Variants in ATP8A1 observed in about 807,000 individuals in gnomAD.
ATP8A1 encodes the protein phospholipid-transporting ATPase IA.
ATP8A1 carries 90 observed loss-of-function variants against 177.7 expected under a neutral mutation model. The observed-to-expected ratio is 0.51, with a 90% CI of 0.43 to 0.60. ATP8A1 has a LOEUF of 0.60. ATP8A1 is among the 20% of genes least tolerant of loss of function. The pLI is 0.00. For missense variants in ATP8A1, 1,072 were observed against 1,392.8 expected (o/e 0.77, Z 3.67); for synonymous variants, 493 against 485.9 (o/e 1.01, Z -0.19).
chr4:42,461,113 C>T (rs900623064), intron 27 of ATP8A1, among the ~76,000 whole-genome samples: 6 of 152,128 alleles, frequency 3.9e-5, no homozygotes, highest in African/African-American at 7.2e-5. Flanking sequence ...GTAAAATATA[C>T]TCCAGATTTT....
intron 5 of ATP8A1, among the ~76,000 whole-genome samples, chr4:42,607,958 A>G (rs1387169928): frequency 6.6e-6 from 1 of 152,146 alleles, no homozygotes; most frequent in Non-Finnish European, 1.5e-5. Context: ...TTTAAATGCA[A>G]AACTCCTCTA....
intron 5 of ATP8A1, among the ~76,000 whole-genome samples, chr4:42,615,473 T>A (rs1407319186): frequency 6.6e-6 from 1 of 152,010 alleles, no homozygotes; most frequent in East Asian, 1.9e-4. Context: ...TCTTAGAGCA[T>A]GATGGCGAAT....
At chr4:42,477,474 C>T (rs922715944) in intron 25 of ATP8A1, among the ~76,000 whole-genome samples, 1 of 152,014 alleles carries the variant, frequency 6.6e-6, no homozygotes, top group African/African-American at 2.4e-5. Flanking sequence ...CCAAGCAATC[C>T]CATACCCATC....
At chr4:42,619,292 C>T (rs560645211) in intron 4 of ATP8A1, among the ~76,000 whole-genome samples, 18 of 152,190 alleles carry the variant, frequency 1.2e-4, no homozygotes, top group South Asian at 6.2e-4. Flanking sequence ...TGTTTTATAA[C>T]GAATGGAGTC....
chr4:42,485,906 G>A (rs575206815), intron 24 of ATP8A1, among the ~76,000 whole-genome samples: 21 of 152,254 alleles, frequency 1.4e-4, no homozygotes, highest in Non-Finnish European at 2.6e-4. Flanking sequence ...GCAGGGTTGG[G>A]ACTAGACTAT....
chr4:42,592,218 G>A (rs1456894034), intron 6 of ATP8A1, among the ~76,000 whole-genome samples: 3 of 152,092 alleles, frequency 2.0e-5, no homozygotes, highest in Non-Finnish European at 4.4e-5. Context: ...TATAATCTTG[G>A]AGGAAGTTAA....
chr4:42,432,338 A>G (rs530513887), intron 33 of ATP8A1, among the ~76,000 whole-genome samples: 2 of 152,354 alleles, frequency 1.3e-5, no homozygotes, highest in Admixed American at 6.5e-5. Flanking sequence ...AGGTAGAAAT[A>G]TATCAGTAGA....
intron 15 of ATP8A1, among the ~76,000 whole-genome samples, chr4:42,557,938 A>G (rs1294862253): frequency 6.6e-6 from 1 of 152,150 alleles, no homozygotes; most frequent in African/African-American, 2.4e-5. Flanking sequence ...GAGGCATGAG[A>G]ATCGCTTGAA....
At position 42,410,493 on chromosome 4, in the gene ATP8A1, A is replaced by G. The variant is rs148379497; in HGVS notation, c.*2423T>C. ...TTTCCAGTTAAGGAAGGTTTAAAAA[A>G]TCAGACTATTTTCTCTAATTTAACA... On this transcript the variant is annotated 3_prime_UTR_variant, in exon 37 of 37. Transcript: ENST00000381668. 208 of 152,348 alleles carry G rather than the reference A, an allele frequency of 1.4e-3. No homozygotes were observed. The highest frequency in any genetic ancestry group is 6.8e-3 in the Middle Eastern group (2 of 294). 9.4% of individuals were successfully genotyped at this position (152,348 alleles called of 1,614,324 possible).
At chr4:42,568,238 G>GA (rs1731551200) in intron 15 of ATP8A1, among the ~76,000 whole-genome samples, 1 of 152,272 alleles carries the variant, frequency 6.6e-6, no homozygotes, top group East Asian at 1.9e-4. Flanking sequence ...GAGATTTACT[G>GA]AAAATTTTTA....
At chr4:42,525,041 C>G (rs763592252) in intron 20 of ATP8A1, among the ~76,000 whole-genome samples, 194 bp from the exon 21 acceptor site, 1 of 152,214 alleles carries the variant, frequency 6.6e-6, no homozygotes, top group East Asian at 1.9e-4. Flanking sequence ...AGTCTTGCAT[C>G]TTCATCTTTC....
chr4:42,435,461 A>AAAACAAC lies in ATP8A1; in HGVS notation c.3123+8103_3123+8104insGTTGTTT, dbSNP rs1553871738. ...AAAAAAAAAAAAAACAAAAAAAAAA[A>AAAACAAC]AACAAACTATCTCCAGTTATGAGCT... On this transcript the variant is annotated intron_variant, in intron 33 of 36. Transcript: ENST00000381668. Among the ~76,000 whole-genome samples, 37 of 122,370 alleles carry AAAACAAC rather than the reference A, an allele frequency of 3.0e-4. 1 individual carries two copies. Among genetic ancestry groups the AAAACAAC allele is most frequent in the East Asian group, 1.0e-3 (4 of 3,924 alleles). The allele number at this position is 122,370 out of a possible 152,430, so 80.3% of individuals were successfully genotyped here.
At chr4:42,520,817 T>C (rs1220889516) in intron 22 of ATP8A1, among the ~76,000 whole-genome samples, 1 of 152,228 alleles carries the variant, frequency 6.6e-6, no homozygotes, top group African/African-American at 2.4e-5. Context: ...TATATTTATA[T>C]TTAGGTATCT....
chr4:42,521,073 G>A (rs116489878), intron 22 of ATP8A1, among the ~76,000 whole-genome samples: 1,529 of 152,236 alleles, frequency 0.01, 23 homozygotes, highest in African/African-American at 0.035. Context: ...ACAGAGGCAC[G>A]ACGAAGTACA....
chr4:42,444,782 A>T, intron 31 of ATP8A1, 148 bp from the exon 32 acceptor site: 1 of 817,442 alleles, frequency 1.2e-6, no homozygotes, highest in East Asian at 2.7e-5. Context: ...CAGCAAAGAG[A>T]CAGGTAAATT....
chr4:42,450,255 T>G (rs1577957021), intron 30 of ATP8A1, among the ~76,000 whole-genome samples: 1 of 152,166 alleles, frequency 6.6e-6, no homozygotes, highest in Non-Finnish European at 1.5e-5. Context: ...ATATAAAATG[T>G]CTAGAATAGG....
intron 1 of ATP8A1, among the ~76,000 whole-genome samples, chr4:42,649,606 T>G (rs1560563569): frequency 2.6e-5 from 4 of 152,162 alleles, no homozygotes; most frequent in Admixed American, 6.5e-5. Context: ...ATAGTTAAGC[T>G]CTTCCATTAA....
chr4:42,498,289 C>T (rs569185033), intron 24 of ATP8A1, among the ~76,000 whole-genome samples: 7 of 152,172 alleles, frequency 4.6e-5, no homozygotes, highest in East Asian at 1.9e-4. Context: ...GAGGTCTGTC[C>T]GCATAATACA....
chr4:42,511,592 TTC>T (rs1233747225), intron 22 of ATP8A1, among the ~76,000 whole-genome samples: 5 of 152,242 alleles, frequency 3.3e-5, no homozygotes, highest in Non-Finnish European at 7.3e-5. Flanking sequence ...CAGTAATGTT[TTC>T]TCTTTCAGAT....
Sources: allele counts gnomAD v4.1 joint callset (sites outside exome capture counted in the v4.1 genomes callset), GRCh38; gene constraint gnomAD v4.1.1; transcripts MANE v1.5; gene names NCBI Gene and HGNC (gene_info 2026-07-23, HGNC 2026-07-21).